The following SPG7 variants were observed in gnomAD, a reference collection of about 807,000 sequenced individuals.
SPG7 encodes the protein mitochondrial inner membrane m-AAA protease component paraplegin.
In SPG7, 103 loss-of-function variants were observed where a neutral mutation model predicts 81.9. The observed-to-expected ratio is 1.26, with a 90% CI of 1.07 to 1.48. The LOEUF is 1.48. Ranked by LOEUF, SPG7 falls within the 40% of genes most tolerant of loss-of-function variation. The probability of loss-of-function intolerance (pLI) is 0.00; values close to 1 mark genes in which losing one functional copy is unlikely to be tolerated. For synonymous variants in SPG7, 534 were observed against 444.2 expected (o/e 1.20, Z -2.54); for missense variants, 1,241 against 1,087.3 (o/e 1.14, Z -1.99).
At chr16:89,512,339 G>C (rs537397185) in intron 2 of SPG7, among the ~76,000 whole-genome samples, 2 of 151,860 alleles carry the variant, frequency 1.3e-5, no homozygotes, top group Non-Finnish European at 2.9e-5. Context: ...TTTGTGAGTC[G>C]GAGTCTTGCT....
Position 89,554,561 on chromosome 16 carries a change from G to A in SPG7, c.2179G>A (p.Ala727Thr). The A allele has an allele frequency of 6.2e-7, 1 of 1,607,454 alleles. No individual in the cohort carries two copies. Among genetic ancestry groups the A allele is most frequent in the Non-Finnish European group, 8.5e-7 (1 of 1,178,956 alleles). The change falls in exon 16 of 17, where the codon GCG (alanine) becomes ACG (threonine). Residue 727 changes from alanine to threonine, a missense_variant and splice_region_variant. Physicochemically the swap from Ala to Thr is moderately conservative, Grantham distance 58. Transcript: ENST00000645818. ...GCAGGACAACCTGGACAAGTTGCAG[G>A]CGGTGAGGCCCTGGCCAGGCGTGGG... ...VLQDNLDKLQ[A>T]LANALLEKEV...
chr16:89,508,470 G>T lies in SPG7; in HGVS notation c.53G>T (p.Gly18Val), dbSNP rs1371729405. 2.7e-6 allele frequency: 4 copies of T among 1,508,306 alleles called. No homozygotes were observed. The highest frequency in any genetic ancestry group is 3.5e-6 in the Non-Finnish European group (4 of 1,135,490). 93.4% of individuals were successfully genotyped at this position (1,508,306 alleles called of 1,614,324 possible). The change falls in exon 1 of 17, where the codon GGT becomes GTT. Residue 18 changes from glycine (G) to valine (V), a missense_variant. Coordinates refer to ENST00000645818, the MANE Select transcript of SPG7 (RefSeq NM_003119.4). ...LRALRRGPGP[G>V]PRPLWGPGPA... ...GCCCTCCGCCGGGGTCCAGGCCCGG[G>T]TCCTCGGCCGCTGTGGGGCCCAGGC...
chr16:89,532,713 T>C, intron 9 of SPG7, 77 bp downstream of exon 9: 1 of 1,567,150 alleles, frequency 6.4e-7, no homozygotes, highest in Non-Finnish European at 8.7e-7. Context: ...CAGGTTGTGG[T>C]GAGCCAAGAT....
chr16:89,511,784 A>G (rs1321791381), intron 2 of SPG7, among the ~76,000 whole-genome samples: 2 of 151,594 alleles, frequency 1.3e-5, no homozygotes, highest in Non-Finnish European at 2.9e-5. Flanking sequence ...CCCAGGTGCA[A>G]TCTCTACTCA....
At chr16:89,543,646 A>AT (rs2058527832) in intron 9 of SPG7, 1 of 119,712 alleles carries the variant, frequency 8.4e-6, no homozygotes, top group Non-Finnish European at 1.7e-5. Flanking sequence ...CCACCAGTGG[A>AT]TTCTTTTTTT....
chr16:89,537,384 C>T lies in SPG7; in HGVS notation c.1324+4748C>T, dbSNP rs1438067230. On this transcript the variant is annotated intron_variant, in intron 9 of 16. Transcript: ENST00000645818. ...GCTGGAAAGCGTTGATGGGGAGCGT[C>T]GGCGCTGACCACACGCGGGAGCTGC... 14 of 1,101,974 alleles carry T rather than the reference C, an allele frequency of 1.3e-5. No individual in the cohort carries two copies. In the Admixed American group the frequency reaches 3.7e-4, roughly 29 times the overall value. 68.3% of individuals were successfully genotyped at this position (1,101,974 alleles called of 1,614,324 possible).
chr16:89,530,051 C>G (rs971162751), intron 6 of SPG7: 2 of 288,306 alleles, frequency 6.9e-6, no homozygotes, highest in Non-Finnish European at 1.3e-5. Context: ...GTTGTTCAGG[C>G]TGGTCTCGAA....
chr16:89,535,420 G>A (rs146372963), intron 9 of SPG7, among the ~76,000 whole-genome samples: 1 of 152,216 alleles, frequency 6.6e-6, no homozygotes, highest in East Asian at 1.9e-4. Flanking sequence ...CCGACAGTGT[G>A]CAGGACGCAA....
intron 1 of SPG7, 151 bp from the exon 2 acceptor site, chr16:89,510,339 A>G (rs543806577): frequency 8.5e-5 from 55 of 645,828 alleles, no homozygotes; most frequent in African/African-American, 1.5e-4. Context: ...GCTTTGACCT[A>G]TTGCTCAGAC....
intron 9 of SPG7, chr16:89,537,138 G>T: frequency 6.8e-7 from 1 of 1,464,590 alleles, no homozygotes; most frequent in Non-Finnish European, 9.0e-7. Context: ...GAGGTCCCAG[G>T]CCAGGCTTTG....
intron 16 of SPG7, chr16:89,555,599 T>C (rs546207587): frequency 6.2e-6 from 2 of 323,248 alleles, no homozygotes; most frequent in Admixed American, 4.9e-5. Flanking sequence ...CCCATCTTCT[T>C]AGGCTCCTCT....
At chr16:89,536,883 G>A (rs200735282) in intron 9 of SPG7, 17 of 1,614,058 alleles carry the variant, frequency 1.1e-5, no homozygotes, top group East Asian at 4.5e-5. Flanking sequence ...AGGGTCATTC[G>A]CTCTGCTGGG....
At position 89,536,211 on chromosome 16, in the gene SPG7, G is replaced by T. The variant is rs76069859; in HGVS notation, c.1324+3575G>T. Among the ~76,000 whole-genome samples the T allele has an allele frequency of 2.6e-3, 249 of 96,896 alleles. 18 individuals are homozygous for T. The highest frequency in any genetic ancestry group is 4.0e-3 in the Non-Finnish European group (155 of 39,204). 63.6% of individuals were successfully genotyped at this position (96,896 alleles called of 152,430 possible). On this transcript the variant is annotated intron_variant, in intron 9 of 16. Coordinates refer to ENST00000645818, the MANE Select transcript of SPG7 (RefSeq NM_003119.4). ...AGTGTGGCCTCTCTGGTGCTGTGTG[G>T]CCTTCAGTGTGGCCTCTCTGGTGCT...
chr16:89,509,591 G>A (rs1286828006), intron 1 of SPG7, among the ~76,000 whole-genome samples: 1 of 151,984 alleles, frequency 6.6e-6, no homozygotes, highest in Non-Finnish European at 1.5e-5. Context: ...CTTGAAAGGA[G>A]AACTCTGAAA....
At chr16:89,553,255 T>C in intron 14 of SPG7, 120 bp downstream of exon 14, 4 of 1,064,812 alleles carry the variant, frequency 3.8e-6, no homozygotes, top group Non-Finnish European at 5.6e-6. Flanking sequence ...ATTTATTAAG[T>C]ATTTTGTAAA....
chr16:89,512,057 G>A (rs1349028414), intron 2 of SPG7, among the ~76,000 whole-genome samples: 1 of 151,820 alleles, frequency 6.6e-6, no homozygotes, highest in Non-Finnish European at 1.5e-5. Flanking sequence ...GATTACAGGT[G>A]CCCGCCACTA....
At chr16:89,532,392 G>T (rs2058356197) in intron 8 of SPG7, 71 bp from the exon 9 acceptor site, 7 of 1,555,142 alleles carry the variant, frequency 4.5e-6, no homozygotes, top group Middle Eastern at 1.7e-4. Flanking sequence ...AACTTTGTCT[G>T]GCCCGGGTAC....
intron 14 of SPG7, 177 bp from the exon 15 acceptor site, chr16:89,553,617 C>G (rs184363536): frequency 1.3e-3 from 839 of 626,046 alleles, no homozygotes; most frequent in Non-Finnish European, 1.8e-3. Flanking sequence ...TTTTAAGACT[C>G]TCTTAAGGAA....
chr16:89,546,839 C>G (rs2058570767), intron 11 of SPG7, 79 bp downstream of exon 11: 1 of 936,604 alleles, frequency 1.1e-6, no homozygotes, highest in Non-Finnish European at 1.8e-6. Flanking sequence ...GCATCGAGGC[C>G]TCCTCTGTGG....
Sources: allele counts gnomAD v4.1 joint callset (sites outside exome capture counted in the v4.1 genomes callset), GRCh38; gene constraint gnomAD v4.1.1; transcripts MANE v1.5; gene names NCBI Gene and HGNC (gene_info 2026-07-23, HGNC 2026-07-21).